LONP2: variants seen among roughly 807,000 people sequenced by gnomAD.
The protein encoded by LONP2 is lon peptidase 2, peroxisomal.
LONP2 carries 60 observed loss-of-function variants against 85.6 expected under a neutral mutation model. The observed-to-expected ratio is 0.70, with a 90% CI of 0.57 to 0.87. The LOEUF (loss-of-function observed/expected upper bound fraction) is 0.87, where lower values mean the gene tolerates loss of function less well. Among genes scored for constraint, LONP2 ranks in the 40% least tolerant of loss-of-function variants. The pLI, the probability that LONP2 is intolerant of heterozygous loss-of-function variation, is 0.00. For missense variants in LONP2, 860 were observed against 1,063.5 expected (o/e 0.81, Z 2.66); for synonymous variants, 395 against 389.7 (o/e 1.01, Z -0.16).
chr16:48,253,163 A>G (rs1291721309), intron 2 of LONP2, among the ~76,000 whole-genome samples: 2 of 152,188 alleles, frequency 1.3e-5, no homozygotes, highest in Admixed American at 6.5e-5. Flanking sequence ...GTAATGAACA[A>G]TAACAGAAAA....
At chr16:48,308,917 C>T (rs1440006326) in intron 11 of LONP2, among the ~76,000 whole-genome samples, 1 of 151,850 alleles carries the variant, frequency 6.6e-6, no homozygotes, top group Non-Finnish European at 1.5e-5. Flanking sequence ...AGACCAATAC[C>T]CAGAATCTAC....
downstream of LONP2, chr16:48,361,236 C>A (rs1960576764): frequency 7.6e-6 from 2 of 262,892 alleles, no homozygotes; most frequent in South Asian, 8.1e-5. Flanking sequence ...CCCACGCAGG[C>A]ACACACTCCC....
intron 8 of LONP2, among the ~76,000 whole-genome samples, chr16:48,288,203 G>A (rs1394586630): frequency 6.8e-6 from 1 of 147,902 alleles, no homozygotes; most frequent in African/African-American, 2.5e-5. Flanking sequence ...ACCCAGGCTG[G>A]AGTGCAATAG....
intron 11 of LONP2, among the ~76,000 whole-genome samples, chr16:48,327,490 CGTT>C (rs1226790397): frequency 1.3e-5 from 2 of 152,096 alleles, no homozygotes; most frequent in Admixed American, 6.5e-5. Context: ...TGGAATCTCA[CGTT>C]GTCGCCCAGG....
At chr16:48,340,232 T>C (rs1446255033) in intron 12 of LONP2, among the ~76,000 whole-genome samples, 1 of 152,212 alleles carries the variant, frequency 6.6e-6, no homozygotes, top group Non-Finnish European at 1.5e-5. Flanking sequence ...AAACTTAGTC[T>C]CTTTGAGCTT....
At chr16:48,309,608 G>T (rs1972986969) in intron 11 of LONP2, among the ~76,000 whole-genome samples, 1 of 152,114 alleles carries the variant, frequency 6.6e-6, no homozygotes, top group Non-Finnish European at 1.5e-5. Context: ...TGACCCAAAG[G>T]TTGTCCAGGA....
At chr16:48,325,664 A>G (rs58495905) in intron 11 of LONP2, among the ~76,000 whole-genome samples, 226 of 152,292 alleles carry the variant, frequency 1.5e-3, no homozygotes, top group African/African-American at 5.1e-3. Flanking sequence ...TCATCCGTTG[A>G]TGGATGCTTA....
chr16:48,339,582 G>A (rs80343084), intron 12 of LONP2, among the ~76,000 whole-genome samples: 291 of 152,300 alleles, frequency 1.9e-3, no homozygotes, highest in African/African-American at 6.7e-3. Flanking sequence ...AGCTGCTGCT[G>A]AGAGTAATCC....
chr16:48,352,132 AC>A lies in LONP2; in HGVS notation c.*331del, dbSNP rs1960171256. ...TTAGAAATGTACATTCTCAGGCTCC[AC>A]AGCAGGCCGCCTGAATCAAATCCTG... is the stretch of plus-strand genomic sequence containing the variant. On this transcript the variant is annotated 3_prime_UTR_variant, in exon 15 of 15. Coordinates refer to ENST00000285737, the MANE Select transcript of LONP2 (RefSeq NM_031490.5). 4.2e-6 allele frequency: 1 copy of A among 236,628 alleles called. No individual in the cohort carries two copies. Among genetic ancestry groups the A allele is most frequent in the African/African-American group, 2.2e-5 (1 of 44,654 alleles). 14.7% of individuals were successfully genotyped at this position (236,628 alleles called of 1,614,324 possible).
At chr16:48,309,002 A>G (rs1972972914) in intron 11 of LONP2, among the ~76,000 whole-genome samples, 1 of 152,184 alleles carries the variant, frequency 6.6e-6, no homozygotes, top group Non-Finnish European at 1.5e-5. Flanking sequence ...AGGAGATGAA[A>G]GACATTTTTC....
rs1446931632 is a variant in LONP2, at chr16:48,252,195, C to G, written c.298C>G (p.Leu100Val). ...GSNWPKPHYT[L>V]LITGLCRFQI... Reference sequence around the variant, plus strand: ...TAACTGGCCCAAGCCCCACTACACTCTGTTGATTACAGGCCTATGCCGTTT... The same window carrying G: ...TAACTGGCCCAAGCCCCACTACACTGTGTTGATTACAGGCCTATGCCGTTT... Residue 100 changes from leucine to valine, a missense_variant, in exon 2 of 15, where the codon CTG becomes GTG. Coordinates refer to ENST00000285737, the MANE Select transcript of LONP2 (RefSeq NM_031490.5). 1.2e-6 allele frequency: 2 copies of G among 1,613,800 alleles called. No individual in the cohort carries two copies. Among genetic ancestry groups the G allele is most frequent in the Non-Finnish European group, 8.5e-7 (1 of 1,179,764 alleles).
At chr16:48,347,818 T>C in intron 13 of LONP2, 104 bp downstream of exon 13, 1 of 1,109,312 alleles carries the variant, frequency 9.0e-7, no homozygotes, top group Non-Finnish European at 1.3e-6. Context: ...TCTAGCAAAG[T>C]ACACACCGTT....
chr16:48,253,117 T>C (rs1971688562), intron 2 of LONP2, among the ~76,000 whole-genome samples: 1 of 152,198 alleles, frequency 6.6e-6, no homozygotes, highest in Admixed American at 6.5e-5. Context: ...GTGGTATTTG[T>C]ATCTGATGTG....
rs566802132 is a variant in LONP2 at position 48,362,982 on chromosome 16, TAC to T, written c.*1121_*1122del. 1.7e-3 allele frequency: 289 copies of T among 166,386 alleles called. 2 individuals carry two copies. The highest frequency in any genetic ancestry group is 5.8e-4 in the East Asian group (3 of 5,204). 10.3% of individuals were successfully genotyped at this position (166,386 alleles called of 1,614,324 possible). Reference sequence around the variant, plus strand: ...TATAAAGAATACAAAATTTTTAAAATACAGTCTATAACAACTATTTACATATT... The same window carrying T: ...TATAAAGAATACAAAATTTTTAAAATAGTCTATAACAACTATTTACATATT... On this transcript the variant is annotated 3_prime_UTR_variant, in exon 5 of 5. Transcript: ENST00000565867. This position sits in a 1 kb window ranked among gnomAD's most constrained non-coding sequence, Gnocchi z 4.2.
rs186437620 is a variant in LONP2 at position 48,284,299 on chromosome 16, A to C, written c.1383+6820A>C. 2.4e-3 allele frequency among the ~76,000 whole-genome samples: 366 copies of C among 152,372 alleles called. 4 individuals carry two copies. Among genetic ancestry groups the C allele is most frequent in the African/African-American group, 8.6e-3 (357 of 41,582 alleles). On this transcript the variant is annotated intron_variant, in intron 8 of 14. Transcript: ENST00000285737. ...CATAAACATAGTTGATAAAGGCAGC[A>C]ACAGGGTTTGAAAGGATTGACTTCA...
chr16:48,272,758 A>G (rs1972130942), intron 7 of LONP2, among the ~76,000 whole-genome samples: 1 of 152,218 alleles, frequency 6.6e-6, no homozygotes, highest in Non-Finnish European at 1.5e-5. Context: ...TAACTACTAT[A>G]GCAACCTGCC....
chr16:48,279,777 G>A (rs1972288418), intron 8 of LONP2, among the ~76,000 whole-genome samples: 1 of 152,150 alleles, frequency 6.6e-6, no homozygotes, highest in Non-Finnish European at 1.5e-5. Context: ...AATGCAAATT[G>A]ATTTGTAAAA....
chr16:48,303,098 A>C, intron 10 of LONP2, 74 bp from the exon 11 acceptor site: 2 of 1,539,258 alleles, frequency 1.3e-6, no homozygotes, highest in East Asian at 4.6e-5. Context: ...TTTACCAAAA[A>C]TGTTAATCAC....
intron 11 of LONP2, among the ~76,000 whole-genome samples, chr16:48,320,746 C>T (rs1336090774): frequency 6.6e-6 from 1 of 152,100 alleles, no homozygotes; most frequent in African/African-American, 2.4e-5. Context: ...TGATTTATCC[C>T]TCATCAATAT....
Sources: allele counts gnomAD v4.1 joint callset (sites outside exome capture counted in the v4.1 genomes callset), GRCh38; gene constraint gnomAD v4.1.1; non-coding constraint Gnocchi (gnomAD v3.1); transcripts MANE v1.5; gene names NCBI Gene and HGNC (gene_info 2026-07-23, HGNC 2026-07-21).